Variants in MAN1C1 observed in about 807,000 individuals in gnomAD.
MAN1C1 encodes mannosidase alpha class 1C member 1, also known as mannosyl-oligosaccharide 1,2-alpha-mannosidase IC.
In MAN1C1, 49 loss-of-function variants were observed where a neutral mutation model predicts 71.5. That is an observed-to-expected ratio of 0.69 (90% CI 0.54 to 0.87). MAN1C1 has a LOEUF of 0.87. Among genes scored for constraint, MAN1C1 ranks in the 40% least tolerant of loss-of-function variants. The pLI is 0.00. For synonymous variants in MAN1C1, 352 were observed against 343.7 expected, an observed-to-expected ratio of 1.02 and a Z score of -0.27; for missense variants, 743 against 835.0, an observed-to-expected ratio of 0.89 and a Z score of 1.36.
At chr1:25,693,933 G>A (rs1018197230) in intron 2 of MAN1C1, among the ~76,000 whole-genome samples, 2 of 152,190 alleles carry the variant, frequency 1.3e-5, no homozygotes, top group Non-Finnish European at 2.9e-5. Context: ...AAAACACCTG[G>A]TGTATAGTAC....
At chr1:25,731,356 C>A (rs998010594) in intron 2 of MAN1C1, among the ~76,000 whole-genome samples, 1 of 152,032 alleles carries the variant, frequency 6.6e-6, no homozygotes, top group African/African-American at 2.4e-5. Context: ...TCATCATCAT[C>A]ATCATCATCA....
intron 2 of MAN1C1, among the ~76,000 whole-genome samples, chr1:25,698,158 A>G (rs1401567300): frequency 6.6e-6 from 1 of 152,144 alleles, no homozygotes; most frequent in Non-Finnish European, 1.5e-5. Flanking sequence ...CCCTGGTGCC[A>G]TGGGGTGGCC....
rs752527819 is a variant in MAN1C1, at chr1:25,746,803, C to T, written c.753+20C>T. The T allele has an allele frequency of 5.9e-5, 18 of 303,344 alleles. No individual in the cohort carries two copies. Among genetic ancestry groups the T allele is most frequent in the South Asian group, 1.5e-4 (4 of 26,844 alleles). The allele number at this position is 303,344 out of a possible 1,614,324, so 18.8% of individuals were successfully genotyped here. A position where few individuals can be genotyped will look rare whatever the true frequency, so the allele number is the denominator to read the frequency against. On this transcript the variant is annotated intron_variant, in intron 3 of 11. Transcript: ENST00000374332. This position sits in a 1 kb window ranked among gnomAD's most constrained non-coding sequence, Gnocchi z 4.0. ...AACGTGGTGAGTCAGAGGCCCTCGGCGGGGGAGGGGGGCGGGGGCCAGAAG... is the reference window on the plus strand; with the variant it reads ...AACGTGGTGAGTCAGAGGCCCTCGGTGGGGGAGGGGGGCGGGGGCCAGAAG...
Position 25,778,132 on chromosome 1 carries a change from T to C in MAN1C1, c.1285T>C (p.Ser429Pro). 6.3e-7 allele frequency: 1 copy of C among 1,575,340 alleles called. No individual in the cohort carries two copies. The highest frequency in any genetic ancestry group is 1.4e-5 in the African/African-American group (1 of 73,606). The change falls in exon 9 of 12, where the codon TCT becomes CCT. Residue 429 changes from serine (S) to proline (P), a missense_variant. Transcript: ENST00000374332. This position sits in a 1 kb window ranked among gnomAD's most constrained non-coding sequence, Gnocchi z 5.5. The stretch of plus-strand genomic sequence containing the variant: ...GATAGAGACCTACTTGCTGAATGTC[T>C]CTCCCGGGGGGCTGACCTACATTGC... ...EAIETYLLNV[S>P]PGGLTYIAEW...
intron 7 of MAN1C1, among the ~76,000 whole-genome samples, chr1:25,767,396 C>T (rs1166710333): frequency 4.1e-5 from 5 of 120,836 alleles, no homozygotes; most frequent in Non-Finnish European, 8.8e-5. Context: ...CACACACACA[C>T]ACCCCTACCA....
chr1:25,752,429 A>T (rs1446720385), intron 4 of MAN1C1, among the ~76,000 whole-genome samples: 1 of 152,118 alleles, frequency 6.6e-6, no homozygotes, highest in African/African-American at 2.4e-5. Flanking sequence ...GGCCTCCCAA[A>T]ATGCTGGGAT....
intron 1 of MAN1C1, among the ~76,000 whole-genome samples, chr1:25,642,625 A>G (rs1179242036): frequency 2.0e-5 from 3 of 152,230 alleles, no homozygotes; most frequent in Non-Finnish European, 2.9e-5. Flanking sequence ...TCGTTCTTCA[A>G]TCTGCCCCAA....
chr1:25,755,936 A>T (rs991335565), intron 5 of MAN1C1, among the ~76,000 whole-genome samples: 1 of 152,174 alleles, frequency 6.6e-6, no homozygotes, highest in Non-Finnish European at 1.5e-5. Flanking sequence ...GGTCTCTGGG[A>T]TGCTGCCCAG....
chr1:25,756,235 A>ATGAGGAAC (rs1322026948), intron 5 of MAN1C1, among the ~76,000 whole-genome samples: 4 of 152,206 alleles, frequency 2.6e-5, no homozygotes, highest in African/African-American at 9.6e-5. Context: ...CACTTAAGGG[A>ATGAGGAAC]TGAGGAAACT....
At chr1:25,694,828 G>A (rs2046349805) in intron 2 of MAN1C1, among the ~76,000 whole-genome samples, 1 of 152,198 alleles carries the variant, frequency 6.6e-6, no homozygotes, top group Non-Finnish European at 1.5e-5. Context: ...CTGGGAGGTA[G>A]CAGCTTTGAC....
intron 5 of MAN1C1, among the ~76,000 whole-genome samples, chr1:25,756,870 A>G (rs1410756246): frequency 6.6e-6 from 1 of 152,144 alleles, no homozygotes; most frequent in Non-Finnish European, 1.5e-5. Flanking sequence ...CTGGCACACT[A>G]TACCGGCTCA....
intron 8 of MAN1C1, among the ~76,000 whole-genome samples, chr1:25,773,247 G>A (rs1006310737): frequency 2.0e-5 from 3 of 151,986 alleles, no homozygotes; most frequent in African/African-American, 7.2e-5. Context: ...ATGGATGGAG[G>A]GAAGGATGGA....
Position 25,733,896 on chromosome 1 carries a change from C to T in MAN1C1, c.638-12772C>T, listed in dbSNP as rs763260233. 1.8e-3 allele frequency among the ~76,000 whole-genome samples: 276 copies of T among 151,098 alleles called. 3 individuals are homozygous for T. Among genetic ancestry groups the T allele is most frequent in the South Asian group, 6.3e-3 (30 of 4,784 alleles). ...CTTGCTGCAAGCTCCGCCTCCCGTG[C>T]TCACGCCATTCTCCTGCCTCTGCCT... On this transcript the variant is annotated intron_variant, in intron 2 of 11. Coordinates refer to ENST00000374332, the MANE Select transcript of MAN1C1 (RefSeq NM_020379.4).
rs1330510835 is a variant in MAN1C1 at position 25,769,725 on chromosome 1, G to T, written c.1142-1932G>T. On this transcript the variant is annotated intron_variant, in intron 7 of 11. Coordinates refer to ENST00000374332, the MANE Select transcript of MAN1C1 (RefSeq NM_020379.4). This position sits in a 1 kb window ranked among gnomAD's most constrained non-coding sequence, Gnocchi z 4.8. ...CGTGTAGTTACTGGGCACAGAGCGGGAGTCGCATGCAATCCCTCCCCACAA... is the reference window on the plus strand; with the variant it reads ...CGTGTAGTTACTGGGCACAGAGCGGTAGTCGCATGCAATCCCTCCCCACAA... Among the ~76,000 whole-genome samples the T allele has an allele frequency of 6.6e-6, 1 of 151,934 alleles. No individual in the cohort carries two copies. The highest frequency in any genetic ancestry group is 2.4e-5 in the African/African-American group (1 of 41,364).
At chr1:25,620,429 C>A (rs1342409157) in intron 1 of MAN1C1, among the ~76,000 whole-genome samples, 2 of 147,526 alleles carry the variant, frequency 1.4e-5, no homozygotes, top group Admixed American at 6.7e-5. Context: ...CACGCTCTCA[C>A]GACAACCTGA....
chr1:25,684,334 C>T (rs2046197824), intron 1 of MAN1C1, among the ~76,000 whole-genome samples: 1 of 152,160 alleles, frequency 6.6e-6, no homozygotes, highest in South Asian at 2.1e-4. Flanking sequence ...TAGAAAATAA[C>T]AGAGGAATGG....
At chr1:25,664,698 T>A (rs2045896938) in intron 1 of MAN1C1, among the ~76,000 whole-genome samples, 1 of 152,234 alleles carries the variant, frequency 6.6e-6, no homozygotes, top group African/African-American at 2.4e-5. Flanking sequence ...CTGTAAACTC[T>A]ATTAGCAGAC....
chr1:25,628,028 CAG>C (rs2045324797), intron 1 of MAN1C1, among the ~76,000 whole-genome samples: 1 of 152,128 alleles, frequency 6.6e-6, no homozygotes, highest in East Asian at 1.9e-4. Context: ...GCCTGGGTGA[CAG>C]AGTGAGGCAC....
intron 1 of MAN1C1, among the ~76,000 whole-genome samples, chr1:25,674,333 C>T (rs999481686): frequency 6.6e-6 from 1 of 152,190 alleles, no homozygotes; most frequent in South Asian, 2.1e-4. Context: ...CGTGTTGTCA[C>T]CATCCTTAGT....
Sources: allele counts gnomAD v4.1 joint callset (sites outside exome capture counted in the v4.1 genomes callset), GRCh38; gene constraint gnomAD v4.1.1; non-coding constraint Gnocchi (gnomAD v3.1); transcripts MANE v1.5; gene names NCBI Gene and HGNC (gene_info 2026-07-23, HGNC 2026-07-21).